The following RWDD2B variants were observed in gnomAD, a reference collection of about 807,000 sequenced individuals.
The protein encoded by RWDD2B is RWD domain containing 2B.
A neutral mutation model predicts 33.6 loss-of-function variants in RWDD2B; 36 were observed. The observed-to-expected ratio is 1.07, with a 90% CI of 0.82 to 1.42. The LOEUF is 1.42. Among genes scored for constraint, RWDD2B ranks in the 40% most tolerant of loss-of-function variants. The pLI is 0.00. For synonymous variants in RWDD2B, 126 were observed against 133.1 expected, an observed-to-expected ratio of 0.95 and a Z score of 0.37; for missense variants, 364 against 377.5, an observed-to-expected ratio of 0.96 and a Z score of 0.30.
chr21:29,008,341 C>CA lies in RWDD2B; in HGVS notation c.295-35dup, dbSNP rs767279696. On this transcript the variant is annotated intron_variant, in intron 2 of 4. Coordinates refer to ENST00000493196, the MANE Select transcript of RWDD2B (RefSeq NM_016940.3). ...AGAGAAGAAGAAAAAGTGCACTAACCAATGTTTTAAGTCTCAACATGTTTC... is the reference window on the plus strand; with the variant it reads ...AGAGAAGAAGAAAAAGTGCACTAACCAAATGTTTTAAGTCTCAACATGTTTC... The CA allele has an allele frequency of 5.8e-5, 93 of 1,612,296 alleles. No individual in the cohort carries two copies. The African/African-American group carries it at 1.1e-3, about 20-fold the overall frequency.
chr21:29,009,235 G>C (rs1413613068), intron 1 of RWDD2B, among the ~76,000 whole-genome samples: 1 of 152,052 alleles, frequency 6.6e-6, no homozygotes, highest in African/African-American at 2.4e-5. Context: ...CCACAGGTAT[G>C]CACTGCCACG....
rs144056310 is a variant in RWDD2B, at chr21:29,014,270, C to G, written c.67+4941G>C. ...ACCCACTCCCACAATAACTAACCCACTCCTGCAGTAACACCATTAATCCAT... is the reference window on the plus strand; with the variant it reads ...ACCCACTCCCACAATAACTAACCCAGTCCTGCAGTAACACCATTAATCCAT... On this transcript the variant is annotated intron_variant, in intron 1 of 4. Transcript: ENST00000493196. Among the ~76,000 whole-genome samples the G allele has an allele frequency of 9.6e-4, 147 of 152,342 alleles. 2 individuals are homozygous for G. The highest frequency in any genetic ancestry group is 3.4e-3 in the Middle Eastern group (1 of 294).
In RWDD2B at chr21:29,008,102, G is replaced by C. The variant is rs2084838231; in HGVS notation, c.384C>G (p.Ser128=). Residue 128 remains serine (S), a synonymous_variant, in exon 4 of 5, where the codon TCC becomes TCG. Coordinates refer to ENST00000493196, the MANE Select transcript of RWDD2B (RefSeq NM_016940.3). The part of the protein sequence containing the change: ...ITVRSVLLSR[S]QQTQLNTDLT... ...GATCTGTGTTCAGCTGAGTCTGCTGGGATCTACTCAATAATACTGATCTAA... is the reference window on the plus strand; with the variant it reads ...GATCTGTGTTCAGCTGAGTCTGCTGCGATCTACTCAATAATACTGATCTAA... 2 of 1,613,542 alleles carry C rather than the reference G, an allele frequency of 1.2e-6. No homozygotes were observed. The highest frequency in any genetic ancestry group is 1.7e-6 in the Non-Finnish European group (2 of 1,179,576).
At chr21:29,018,985 C>T (rs907538231) in intron 1 of RWDD2B, among the ~76,000 whole-genome samples, 4 of 152,190 alleles carry the variant, frequency 2.6e-5, no homozygotes, top group African/African-American at 7.2e-5. Flanking sequence ...AAGCCCAGCA[C>T]GCAGCCGCCC....
intron 1 of RWDD2B, among the ~76,000 whole-genome samples, chr21:29,018,512 G>C (rs548348422): frequency 1.3e-5 from 2 of 152,220 alleles, no homozygotes; most frequent in Non-Finnish European, 1.5e-5. Flanking sequence ...TATTGAATTG[G>C]AGGTATCGAA....
chr21:29,011,972 G>C (rs1200528008), intron 1 of RWDD2B, among the ~76,000 whole-genome samples: 5 of 98,270 alleles, frequency 5.1e-5, no homozygotes, highest in African/African-American at 1.2e-4. Context: ...GGCCAGCCGC[G>C]CCGTCCGGGA....
chr21:29,015,391 C>A (rs1248473498), intron 1 of RWDD2B, among the ~76,000 whole-genome samples: 1 of 151,720 alleles, frequency 6.6e-6, no homozygotes, highest in Non-Finnish European at 1.5e-5. Flanking sequence ...CCACTACGCC[C>A]AGCTAATTTT....
chr21:29,013,113 T>C (rs1415685790), intron 1 of RWDD2B, among the ~76,000 whole-genome samples: 1 of 151,454 alleles, frequency 6.6e-6, no homozygotes, highest in East Asian at 1.9e-4. Flanking sequence ...GTGGTGCGAT[T>C]ATAGCTCGTT....
In RWDD2B at chr21:29,019,260, GGACA is replaced by G; in HGVS notation, c.14_17del (p.Leu5ProfsTer25). ...TGTAACCCGGGTTCCATGGCTGCAT[GGACA>G]GCTCAATTTTCATCAGAAGGGAGCC... On this transcript the variant is annotated frameshift_variant, in exon 1 of 5. Transcript: ENST00000493196. LOFTEE classifies it high-confidence loss of function. 6.2e-7 allele frequency: 1 copy of G among 1,605,476 alleles called. No individual in the cohort carries two copies. Among genetic ancestry groups the G allele is most frequent in the Non-Finnish European group, 8.5e-7 (1 of 1,176,572 alleles).
At chr21:29,009,096 AG>A (rs766626866) in intron 1 of RWDD2B, among the ~76,000 whole-genome samples, 7 of 152,152 alleles carry the variant, frequency 4.6e-5, no homozygotes, top group Non-Finnish European at 8.8e-5. Context: ...AATGTTTATT[AG>A]GTTTTTTTGA....
chr21:29,014,825 T>TA (rs941042356), intron 1 of RWDD2B, among the ~76,000 whole-genome samples: 4 of 151,928 alleles, frequency 2.6e-5, no homozygotes, highest in African/African-American at 9.7e-5. Flanking sequence ...CTTCTAAAAA[T>TA]AAAAAAATAA....
At chr21:29,011,637 T>G (rs1241703409) in intron 1 of RWDD2B, among the ~76,000 whole-genome samples, 3 of 96,174 alleles carry the variant, frequency 3.1e-5, no homozygotes, top group Non-Finnish European at 6.2e-5. Context: ...GGGAGGGAGG[T>G]GGGGGGGTCA....
rs1361980818 is a variant in RWDD2B at position 29,006,096 on chromosome 21, G to C, written c.*321C>G. 2 of 197,396 alleles carry C rather than the reference G, an allele frequency of 1.0e-5. No homozygotes were observed. The highest frequency in any genetic ancestry group is 4.7e-5 in the African/African-American group (2 of 42,572). The allele number at this position is 197,396 out of a possible 1,614,324, so 12.2% of individuals were successfully genotyped here. A position where few individuals can be genotyped will look rare whatever the true frequency, so the allele number is the denominator to read the frequency against. ...TTTTCTGGGTTCTTTAGTGAAGGCA[G>C]GTAAGGGAGAAGGGGGTTGGGAATG... On this transcript the variant is annotated 3_prime_UTR_variant, in exon 5 of 5. Transcript: ENST00000493196.
intron 1 of RWDD2B, among the ~76,000 whole-genome samples, chr21:29,010,063 G>C (rs917331040): frequency 2.0e-5 from 3 of 151,958 alleles, no homozygotes; most frequent in Admixed American, 6.5e-5. Context: ...ATGGACACTT[G>C]GGTTGTTTCC....
At chr21:29,008,681 A>G (rs923357817) in intron 1 of RWDD2B, 60 bp from the exon 2 acceptor site, 1 of 1,077,320 alleles carries the variant, frequency 9.3e-7, no homozygotes, top group African/African-American at 1.6e-5. Flanking sequence ...AAATGAATAC[A>G]TCAACATGTG....
Position 29,005,979 on chromosome 21 carries a change from A to C in RWDD2B, c.*438T>G, listed in dbSNP as rs1182614722. 5 of 153,708 alleles carry C rather than the reference A, an allele frequency of 3.3e-5. No individual in the cohort carries two copies. The highest frequency in any genetic ancestry group is 2.0e-4 in the South Asian group (1 of 4,886). The allele number at this position is 153,708 out of a possible 1,614,324, so 9.5% of individuals were successfully genotyped here. A position where few individuals can be genotyped will look rare whatever the true frequency, so the allele number is the denominator to read the frequency against. ...CATATGTATCTTTAATCAGGAAGTAAAAGTTTTCCCAGAATTCCCAAGGCC... is the reference window on the plus strand; with the variant it reads ...CATATGTATCTTTAATCAGGAAGTACAAGTTTTCCCAGAATTCCCAAGGCC... On this transcript the variant is annotated 3_prime_UTR_variant, in exon 5 of 5. Coordinates refer to ENST00000493196, the MANE Select transcript of RWDD2B (RefSeq NM_016940.3).
chr21:29,006,628 C>T lies in RWDD2B; in HGVS notation c.749G>A (p.Arg250Lys). ...WSRLRKLNWK[R>K]ILIRHREDIP... ...GTCTTCTCGATGGCGAATTAAAATT[C>T]TCTTCCAGTTTAATTTTCTGAGTCT... is the stretch of plus-strand genomic sequence containing the variant. Residue 250 changes from arginine to lysine, a missense_variant, in exon 5 of 5, where the codon AGA (arginine) becomes AAA (lysine). By Grantham distance (26) the Arg-to-Lys change is conservative. Transcript: ENST00000493196. 1 of 1,605,640 alleles carries T rather than the reference C, an allele frequency of 6.2e-7. No individual in the cohort carries two copies. Among genetic ancestry groups the T allele is most frequent in the Non-Finnish European group, 8.5e-7 (1 of 1,175,242 alleles).
At chr21:29,017,502 C>T (rs1206434067) in intron 1 of RWDD2B, among the ~76,000 whole-genome samples, 1 of 151,916 alleles carries the variant, frequency 6.6e-6, no homozygotes, top group Non-Finnish European at 1.5e-5. Flanking sequence ...GTCCCAGCTA[C>T]TAGGGAGGCT....
intron 1 of RWDD2B, among the ~76,000 whole-genome samples, chr21:29,010,974 A>G (rs1389170443): frequency 2.6e-5 from 4 of 152,232 alleles, no homozygotes; most frequent in African/African-American, 9.6e-5. Flanking sequence ...TCAGTGCTCA[A>G]TGGTGCCCAG....
Sources: gnomAD v4.1 joint callset for allele counts (sites outside exome capture counted in the v4.1 genomes callset) on GRCh38, gnomAD v4.1.1 for gene constraint, MANE v1.5 for transcripts, NCBI Gene and HGNC (gene_info 2026-07-23, HGNC 2026-07-21) for gene names.